NELL1: variants seen among roughly 807,000 people sequenced by gnomAD.
The protein encoded by NELL1 is neural EGFL like 1, also known as protein kinase C-binding protein NELL1.
A neutral mutation model predicts 107.4 loss-of-function variants in NELL1; 76 were observed. The ratio of observed to expected loss-of-function variants is 0.71; its 90% CI spans 0.59 to 0.86. The LOEUF (loss-of-function observed/expected upper bound fraction) is 0.86. Among genes scored for constraint, NELL1 ranks in the 40% least tolerant of loss-of-function variants. The pLI, the probability that NELL1 is intolerant of heterozygous loss-of-function variation, is 0.00. For synonymous variants in NELL1, 353 were observed against 341.2 expected (o/e 1.03, Z -0.38); for missense variants, 1,024 against 1,005.5 (o/e 1.02, Z -0.25).
chr11:21,045,950 G>A lies in NELL1; in HGVS notation c.1301-67639G>A, dbSNP rs751234954. ...CTTGTTAATGTTATTTCTGGTTATC[G>A]TTTGTTGTGCTGCTAATATGGTGAT... is the stretch of plus-strand genomic sequence containing the variant. On this transcript the variant is annotated intron_variant, in intron 12 of 19. Coordinates refer to ENST00000357134, the MANE Select transcript of NELL1 (RefSeq NM_006157.5). Among the ~76,000 whole-genome samples, 81 of 152,154 alleles carry A rather than the reference G, an allele frequency of 5.3e-4. 1 individual carries two copies. The highest frequency in any genetic ancestry group is 1.4e-3 in the Admixed American group (22 of 15,260).
chr11:21,470,444 A>G (rs1189371596), intron 15 of NELL1, among the ~76,000 whole-genome samples: 2 of 152,038 alleles, frequency 1.3e-5, no homozygotes, highest in African/African-American at 4.8e-5. Context: ...TACTTTTTCA[A>G]AACATTTTTG....
At chr11:21,357,648 A>G (rs1163482006) in intron 14 of NELL1, among the ~76,000 whole-genome samples, 3 of 152,090 alleles carry the variant, frequency 2.0e-5, no homozygotes, top group Non-Finnish European at 4.4e-5. Context: ...TTTTTAGTTT[A>G]ATTAAGTCCT....
At chr11:21,039,329 G>A (rs1853170542) in intron 12 of NELL1, among the ~76,000 whole-genome samples, 1 of 152,060 alleles carries the variant, frequency 6.6e-6, no homozygotes, top group Non-Finnish European at 1.5e-5. Context: ...GGGATTACAA[G>A]CATGTATCAC....
intron 15 of NELL1, among the ~76,000 whole-genome samples, chr11:21,444,811 T>C (rs1853378795): frequency 6.6e-6 from 1 of 152,194 alleles, no homozygotes; most frequent in Non-Finnish European, 1.5e-5. Flanking sequence ...TATCCAGTAC[T>C]AGCTCTTATT....
At chr11:20,861,818 C>T (rs1287329775) in intron 4 of NELL1, among the ~76,000 whole-genome samples, 1 of 152,170 alleles carries the variant, frequency 6.6e-6, no homozygotes, top group Non-Finnish European at 1.5e-5. Context: ...TCAAGTCTGG[C>T]TCTGCCACTA....
In NELL1 at chr11:20,927,389, C is replaced by T. The variant is rs530064684; in HGVS notation, c.841C>T (p.Arg281Ter). 14 of 1,613,282 alleles carry T rather than the reference C, an allele frequency of 8.7e-6. No individual in the cohort carries two copies. Among genetic ancestry groups the T allele is most frequent in the South Asian group, 2.2e-5 (2 of 90,878 alleles). Reference sequence around the variant, plus strand: ...TTGTCAAGTGAGTGGACTGCTCTATCGAGATCAAGACTCTTGGGTAGATGG... The same window carrying T: ...TTGTCAAGTGAGTGGACTGCTCTATTGAGATCAAGACTCTTGGGTAGATGG... ...KTCQVSGLLY[R>*]DQDSWVDGDH... is the part of the protein sequence containing the mutation. The change falls in exon 8 of 20, where the codon CGA becomes TGA. Residue 281 changes from arginine (R) to a stop codon, truncating the protein, a stop_gained. Coordinates refer to ENST00000357134, the MANE Select transcript of NELL1 (RefSeq NM_006157.5). LOFTEE classifies it high-confidence loss of function.
At chr11:20,939,224 G>C (rs1850795662) in intron 10 of NELL1, among the ~76,000 whole-genome samples, 1 of 152,008 alleles carries the variant, frequency 6.6e-6, no homozygotes. Flanking sequence ...ATGATGTCCA[G>C]GTTCCTGGTA....
intron 15 of NELL1, among the ~76,000 whole-genome samples, chr11:21,426,834 G>A (rs1422824479): frequency 6.6e-6 from 1 of 152,168 alleles, no homozygotes; most frequent in Non-Finnish European, 1.5e-5. Context: ...TGAAGATCTG[G>A]AAGAGGGGTG....
At chr11:20,921,773 G>A (rs1477791198) in intron 7 of NELL1, among the ~76,000 whole-genome samples, 1 of 147,918 alleles carries the variant, frequency 6.8e-6, no homozygotes, top group Non-Finnish European at 1.5e-5. Flanking sequence ...TATGGCAAGA[G>A]CAAGGTCTCT....
At chr11:20,735,247 G>C (rs1032983303) in intron 2 of NELL1, among the ~76,000 whole-genome samples, 1 of 152,056 alleles carries the variant, frequency 6.6e-6, no homozygotes, top group Non-Finnish European at 1.5e-5. Context: ...GGAAAGATGA[G>C]GATTTTATTA....
At chr11:21,076,291 T>C (rs78610782) in intron 12 of NELL1, among the ~76,000 whole-genome samples, 2,682 of 152,304 alleles carry the variant, frequency 0.018, 77 homozygotes, top group African/African-American at 0.06. Flanking sequence ...TTCCCCTCAG[T>C]TCCTCTTCAT....
chr11:21,528,348 G>A (rs552466526), intron 15 of NELL1, among the ~76,000 whole-genome samples: 5 of 152,226 alleles, frequency 3.3e-5, no homozygotes, highest in African/African-American at 1.2e-4. Context: ...CGAGTAGGAG[G>A]TGTTTGGGTC....
intron 14 of NELL1, among the ~76,000 whole-genome samples, chr11:21,337,836 CTTTT>C (rs1850464989): frequency 1.9e-5 from 1 of 51,388 alleles, no homozygotes; most frequent in African/African-American, 8.3e-5. Flanking sequence ...TTCTTTCTTT[CTTTT>C]CTTTCTTTCT....
chr11:21,406,305 T>G (rs571090935), intron 15 of NELL1, among the ~76,000 whole-genome samples: 1 of 152,154 alleles, frequency 6.6e-6, no homozygotes, highest in East Asian at 1.9e-4. Flanking sequence ...TACGTGTTTT[T>G]GATTAATCAT....
At chr11:21,327,724 A>G (rs1226199183) in intron 14 of NELL1, among the ~76,000 whole-genome samples, 1 of 152,096 alleles carries the variant, frequency 6.6e-6, no homozygotes, top group Non-Finnish European at 1.5e-5. Flanking sequence ...CTTCCTAGAG[A>G]CTTCTTGAAT....
At chr11:20,754,188 C>T (rs774282413) in intron 2 of NELL1, among the ~76,000 whole-genome samples, 1 of 152,144 alleles carries the variant, frequency 6.6e-6, no homozygotes. Context: ...AAAATAAATT[C>T]AAGTACCTCC....
rs894176988 is a variant in NELL1, at chr11:21,314,112, G to A, written c.1550-56741G>A. On this transcript the variant is annotated intron_variant, in intron 14 of 19. Transcript: ENST00000357134. ...TGAGGCCTCCCCAGGAGCAGATGCT[G>A]CTGTGCTTCCTATACAGCCTGCAGA... is the stretch of plus-strand genomic sequence containing the variant. Among the ~76,000 whole-genome samples the A allele has an allele frequency of 4.0e-5, 6 of 149,716 alleles. No individual in the cohort carries two copies. In the South Asian group the frequency reaches 1.1e-3, roughly 26 times the overall value.
chr11:20,855,248 G>A (rs926420702), intron 4 of NELL1, among the ~76,000 whole-genome samples: 10 of 151,666 alleles, frequency 6.6e-5, no homozygotes. Flanking sequence ...AAGAGAGATA[G>A]AAGGTGAAAG....
chr11:21,574,415 A>G (rs1857174174), intron 19 of NELL1, among the ~76,000 whole-genome samples: 2 of 151,778 alleles, frequency 1.3e-5, no homozygotes, highest in Non-Finnish European at 2.9e-5. Context: ...TTATTTGATA[A>G]TTATGTGGAA....
Sources: allele counts gnomAD v4.1 joint callset (sites outside exome capture counted in the v4.1 genomes callset), GRCh38; gene constraint gnomAD v4.1.1; transcripts MANE v1.5; gene names NCBI Gene and HGNC (gene_info 2026-07-23, HGNC 2026-07-21).